The following PTPN12 variants were observed in gnomAD, a reference collection of about 807,000 sequenced individuals.
The protein encoded by PTPN12 is protein tyrosine phosphatase non-receptor type 12.
PTPN12 carries 29 observed loss-of-function variants against 97.6 expected under a neutral mutation model. The observed-to-expected ratio is 0.30, with a 90% CI of 0.22 to 0.41. PTPN12 has a LOEUF of 0.41. PTPN12 is among the 10% of genes least tolerant of loss of function. The probability of loss-of-function intolerance (pLI) is 1.00; values close to 1 mark genes in which losing one functional copy is unlikely to be tolerated. For missense variants in PTPN12, 819 were observed against 926.0 expected (o/e 0.88, Z 1.50); for synonymous variants, 327 against 300.4 (o/e 1.09, Z -0.91).
intron 5 of PTPN12, among the ~76,000 whole-genome samples, chr7:77,591,178 C>T (rs117332052): frequency 0.039 from 5,906 of 152,282 alleles, 206 homozygotes; most frequent in Non-Finnish European, 0.056. Flanking sequence ...TCTCTGTGAG[C>T]ATTACTGTCA....
chr7:77,561,682 G>A (rs1443845564), intron 1 of PTPN12, among the ~76,000 whole-genome samples: 3 of 152,024 alleles, frequency 2.0e-5, no homozygotes, highest in African/African-American at 7.2e-5. Context: ...TTTGTAATCG[G>A]AGGTAAAGAG....
chr7:77,540,956 A>G (rs1012165886), intron 1 of PTPN12, among the ~76,000 whole-genome samples: 2 of 152,206 alleles, frequency 1.3e-5, no homozygotes, highest in African/African-American at 4.8e-5. Context: ...AATGCCTTAC[A>G]CTTAGACCAC....
At chr7:77,543,331 C>T (rs1490780727) in intron 1 of PTPN12, among the ~76,000 whole-genome samples, 1 of 132,828 alleles carries the variant, frequency 7.5e-6, no homozygotes, top group African/African-American at 3.0e-5. Context: ...GGAGAGTGTG[C>T]CCCTTCCACT....
intron 12 of PTPN12, among the ~76,000 whole-genome samples, chr7:77,625,240 ATCT>A (rs1006154820): frequency 2.5e-4 from 38 of 150,780 alleles, no homozygotes; most frequent in Non-Finnish European, 3.4e-4. Context: ...AGTAAACCCT[ATCT>A]TCTTCTTTGG....
intron 8 of PTPN12, among the ~76,000 whole-genome samples, chr7:77,604,402 T>C (rs1788292378): frequency 6.6e-6 from 1 of 151,100 alleles, no homozygotes. Flanking sequence ...TTTAGTAGAG[T>C]TGGGGATTCT....
intron 1 of PTPN12, among the ~76,000 whole-genome samples, chr7:77,548,317 C>T (rs540954633): frequency 6.6e-6 from 1 of 152,186 alleles, no homozygotes; most frequent in African/African-American, 2.4e-5. Flanking sequence ...TAAGATGACT[C>T]TGAAGAGGTT....
intron 11 of PTPN12, among the ~76,000 whole-genome samples, chr7:77,612,064 G>A (rs1189170632): frequency 6.6e-6 from 1 of 150,598 alleles, no homozygotes; most frequent in Admixed American, 6.7e-5. Flanking sequence ...CCAAGTATGA[G>A]AAAATAAGTT....
chr7:77,610,929 T>G lies in PTPN12; in HGVS notation c.841-19T>G. 6.3e-7 allele frequency: 1 copy of G among 1,586,898 alleles called. No individual in the cohort carries two copies. The highest frequency in any genetic ancestry group is 8.5e-7 in the Non-Finnish European group (1 of 1,170,344). ...ATGTTGTTTTCATTTTGTTTTTTAATCATTTTTCTCCTTCATAGGAGCAAT... is the reference window on the plus strand; with the variant it reads ...ATGTTGTTTTCATTTTGTTTTTTAAGCATTTTTCTCCTTCATAGGAGCAAT... On this transcript the variant is annotated intron_variant, in intron 10 of 17. Coordinates refer to ENST00000248594, the MANE Select transcript of PTPN12 (RefSeq NM_002835.4).
At chr7:77,563,465 T>C (rs1375770932) in intron 1 of PTPN12, among the ~76,000 whole-genome samples, 1 of 152,128 alleles carries the variant, frequency 6.6e-6, no homozygotes, top group Non-Finnish European at 1.5e-5. Context: ...TAGATAGAGA[T>C]GAGGAAGTGG....
intron 2 of PTPN12, among the ~76,000 whole-genome samples, chr7:77,574,844 T>G (rs1363179930): frequency 6.6e-6 from 1 of 152,152 alleles, no homozygotes; most frequent in Non-Finnish European, 1.5e-5. Context: ...TTTTTTTCTT[T>G]TTTTTGAGAC....
At chr7:77,582,084 C>CTTATTTTTTT (rs1787535010) in intron 3 of PTPN12, among the ~76,000 whole-genome samples, 1 of 52,846 alleles carries the variant, frequency 1.9e-5, no homozygotes, top group Non-Finnish European at 3.3e-5. Context: ...CAGTCAAGTT[C>CTTATTTTTTT]TTTTTTTTTT....
intron 3 of PTPN12, among the ~76,000 whole-genome samples, chr7:77,581,896 T>G (rs1248564324): frequency 6.6e-6 from 1 of 152,148 alleles, no homozygotes; most frequent in Non-Finnish European, 1.5e-5. Context: ...TTGTTTTGAA[T>G]AATTTCTTAG....
At chr7:77,580,022 T>C (rs1473422862) in intron 2 of PTPN12, among the ~76,000 whole-genome samples, 1 of 152,264 alleles carries the variant, frequency 6.6e-6, no homozygotes, top group East Asian at 1.9e-4. Flanking sequence ...GAATTTACCC[T>C]ACAGCAATGC....
At chr7:77,632,644 T>C (rs1467057221) in intron 14 of PTPN12, among the ~76,000 whole-genome samples, 1 of 152,206 alleles carries the variant, frequency 6.6e-6, no homozygotes, top group African/African-American at 2.4e-5. Context: ...ATGTTAGATA[T>C]CAGAATTCAA....
At chr7:77,588,625 A>G (rs7456445) in intron 5 of PTPN12, among the ~76,000 whole-genome samples, 33,275 of 152,092 alleles carry the variant, frequency 0.22, 4,691 homozygotes, top group East Asian at 0.7. Context: ...CAGGGTTGCC[A>G]CAAAACTTCA....
chr7:77,627,570 G>C lies in PTPN12; in HGVS notation c.1891G>C (p.Val631Leu). 1 of 1,613,970 alleles carries C rather than the reference G, an allele frequency of 6.2e-7. No individual in the cohort carries two copies. The highest frequency in any genetic ancestry group is 8.5e-7 in the Non-Finnish European group (1 of 1,179,972). Residue 631 changes from valine (V) to leucine (L), a missense_variant, in exon 13 of 18, where the codon GTT becomes CTT. This residue lies in a region of PTPN12 where 607 missense variants were observed against 577.3 expected (regional missense o/e 1.05). Transcript: ENST00000248594. ...KTNISTASATVSAATSTESIS... is the reference protein window; with the variant it reads ...KTNISTASATLSAATSTESIS... ...TAATATTTCAACAGCAAGTGCCACAGTTTCTGCTGCCACTAGTACTGAAAG... is the reference window on the plus strand; with the variant it reads ...TAATATTTCAACAGCAAGTGCCACACTTTCTGCTGCCACTAGTACTGAAAG...
intron 1 of PTPN12, among the ~76,000 whole-genome samples, chr7:77,557,598 T>C (rs1464670382): frequency 6.6e-6 from 1 of 152,232 alleles, no homozygotes; most frequent in Non-Finnish European, 1.5e-5. Context: ...TGTACAGTTC[T>C]GTGGCATTAG....
rs1156290903 is a variant in PTPN12 at position 77,637,941 on chromosome 7, T to TA, written c.2174-679dup. ...ATTAACCCTGACCTTGTTGATTTCT[T>TA]AAAATTTTTTTTTTTTTTTTTTTTT... On this transcript the variant is annotated intron_variant, in intron 16 of 17. Transcript: ENST00000248594. 3.4e-4 allele frequency among the ~76,000 whole-genome samples: 32 copies of TA among 95,132 alleles called. 2 individuals carry two copies. The highest frequency in any genetic ancestry group is 7.5e-4 in the South Asian group (2 of 2,684). 62.4% of individuals were successfully genotyped at this position (95,132 alleles called of 152,430 possible). A position where few individuals can be genotyped will look rare whatever the true frequency, so the allele number is the denominator to read the frequency against.
At position 77,578,503 on chromosome 7, in the gene PTPN12, T is replaced by C. The variant is rs1381534949; in HGVS notation, c.209-2924T>C. Among the ~76,000 whole-genome samples, 9 of 152,336 alleles carry C rather than the reference T, an allele frequency of 5.9e-5. No homozygotes were observed. In the East Asian group the frequency reaches 1.7e-3, roughly 29 times the overall value. On this transcript the variant is annotated intron_variant, in intron 2 of 17. Coordinates refer to ENST00000248594, the MANE Select transcript of PTPN12 (RefSeq NM_002835.4). ...ACCAGAAGCAAGTATATCTTCCTTA[T>C]ATGTGTCTTCTACAAATTTCTAAAG...
Sources: allele counts gnomAD v4.1 joint callset (sites outside exome capture counted in the v4.1 genomes callset), GRCh38; gene constraint gnomAD v4.1.1; regional missense constraint gnomAD v4.1.1; transcripts MANE v1.5; gene names NCBI Gene and HGNC (gene_info 2026-07-23, HGNC 2026-07-21).